Variants in AKAP7 observed in about 807,000 individuals in gnomAD.
AKAP7 encodes the protein A-kinase anchoring protein 7, also known as A kinase (PRKA) anchor protein 7.
In AKAP7, 39 loss-of-function variants were observed where a neutral mutation model predicts 39.5. The ratio of observed to expected loss-of-function variants is 0.99; its 90% confidence interval spans 0.76 to 1.29. The LOEUF is 1.29. AKAP7 is among the 50% of genes most tolerant of loss of function. The pLI is 0.00. For synonymous variants in AKAP7, 140 were observed against 139.1 expected (o/e 1.01, Z -0.05); for missense variants, 414 against 407.7 (o/e 1.02, Z -0.13).
intron 1 of AKAP7, among the ~76,000 whole-genome samples, chr6:131,137,988 T>A (rs550293942): frequency 6.6e-6 from 1 of 152,200 alleles, no homozygotes; most frequent in South Asian, 2.1e-4. Flanking sequence ...TTTCTGTCAT[T>A]GCATTCTTCA....
chr6:131,260,258 T>TAAAC (rs1195746282), intron 7 of AKAP7, among the ~76,000 whole-genome samples: 1 of 152,234 alleles, frequency 6.6e-6, no homozygotes, highest in Non-Finnish European at 1.5e-5. Flanking sequence ...AGTGCTGCAA[T>TAAAC]AAACATACGT....
chr6:131,253,278 T>C (rs1812588018), intron 7 of AKAP7, among the ~76,000 whole-genome samples: 1 of 152,194 alleles, frequency 6.6e-6, no homozygotes, highest in African/African-American at 2.4e-5. Context: ...TGTGGGAGCC[T>C]AAGCTGTAGA....
At chr6:131,184,524 C>G in intron 5 of AKAP7, 1 of 701,018 alleles carries the variant, frequency 1.4e-6, no homozygotes, top group Non-Finnish European at 2.7e-6. Flanking sequence ...CATTTGTGCT[C>G]GATGCATTGC....
chr6:131,188,792 A>G (rs894286884), intron 5 of AKAP7, among the ~76,000 whole-genome samples: 2 of 150,666 alleles, frequency 1.3e-5, no homozygotes, highest in African/African-American at 2.4e-5. Flanking sequence ...GGCTCAGGCA[A>G]TTCTCCCTCC....
chr6:131,130,117 G>A, the AKAP7 span, among the ~76,000 whole-genome samples: 1 of 152,180 alleles, frequency 6.6e-6, no homozygotes, highest in Non-Finnish European at 1.5e-5. Flanking sequence ...ATCTGAACCT[G>A]AACACTTCCC....
At chr6:131,129,484 T>C in the AKAP7 span, among the ~76,000 whole-genome samples, 2 of 152,284 alleles carry the variant, frequency 1.3e-5, no homozygotes, top group African/African-American at 2.4e-5. Flanking sequence ...TCTAAAAAGA[T>C]ACAATTATAG....
intron 7 of AKAP7, among the ~76,000 whole-genome samples, chr6:131,268,366 G>A (rs6924196): frequency 0.26 from 39,814 of 152,020 alleles, 5,606 homozygotes; most frequent in Admixed American, 0.34. Context: ...CTACCTGTAA[G>A]TGGGAAGAAT....
intron 7 of AKAP7, among the ~76,000 whole-genome samples, chr6:131,244,836 GA>G (rs35818253): frequency 0.064 from 9,698 of 151,174 alleles, 433 homozygotes; most frequent in Middle Eastern, 0.12. Context: ...CTGTTTTATA[GA>G]AAAAAAAATT....
At chr6:131,130,670 A>C (rs1277086977), upstream of AKAP7, among the ~76,000 whole-genome samples, 1 of 152,208 alleles carries the variant, frequency 6.6e-6, no homozygotes, top group African/African-American at 2.4e-5. Context: ...GTGAATTAGC[A>C]GGCAGCTGAT....
At chr6:131,225,089 A>G (rs1389587431) in intron 7 of AKAP7, among the ~76,000 whole-genome samples, 2 of 151,946 alleles carry the variant, frequency 1.3e-5, no homozygotes, top group African/African-American at 2.4e-5. Context: ...TTCCTGTTCT[A>G]TTCTTTGCTT....
At chr6:131,175,219 G>A (rs898710104) in intron 5 of AKAP7, among the ~76,000 whole-genome samples, 25 of 152,240 alleles carry the variant, frequency 1.6e-4, no homozygotes, top group African/African-American at 6.0e-4. Context: ...GGAGGAGTGA[G>A]TCTTGCTGTC....
At chr6:131,210,160 A>G (rs988127880) in intron 6 of AKAP7, among the ~76,000 whole-genome samples, 4 of 152,268 alleles carry the variant, frequency 2.6e-5, no homozygotes, top group Non-Finnish European at 5.9e-5. Context: ...ACTAGTTTAT[A>G]TCAGAATTAT....
intron 6 of AKAP7, among the ~76,000 whole-genome samples, chr6:131,210,424 T>TG: frequency 6.6e-6 from 1 of 152,350 alleles, no homozygotes; most frequent in South Asian, 2.1e-4. Flanking sequence ...TAGCCACCCT[T>TG]GGCTACAGGA....
intron 4 of AKAP7, among the ~76,000 whole-genome samples, chr6:131,166,462 A>G (rs73775931): frequency 2.4e-3 from 361 of 152,324 alleles, no homozygotes; most frequent in African/African-American, 8.4e-3. Context: ...GTAGACATGT[A>G]TATCTTTATG....
intron 7 of AKAP7, among the ~76,000 whole-genome samples, chr6:131,229,786 T>C (rs765412698): frequency 1.8e-4 from 27 of 152,254 alleles, no homozygotes; most frequent in Non-Finnish European, 3.2e-4. Context: ...CGCTATTGCC[T>C]TCAAGATGCT....
At chr6:131,260,072 G>A (rs35017713) in intron 7 of AKAP7, among the ~76,000 whole-genome samples, 41,948 of 151,426 alleles carry the variant, frequency 0.28, 6,421 homozygotes, top group Middle Eastern at 0.39. Flanking sequence ...TTCTGTTCCT[G>A]TGTTAGTTTG....
intron 4 of AKAP7, 74 bp from the exon 5 acceptor site, chr6:131,169,039 T>C: frequency 7.8e-7 from 1 of 1,279,586 alleles, no homozygotes; most frequent in Non-Finnish European, 1.1e-6. Context: ...CTAAAACTGG[T>C]ACTTTGTATC....
At chr6:131,193,285 G>A (rs1292383616) in intron 5 of AKAP7, among the ~76,000 whole-genome samples, 1 of 151,992 alleles carries the variant, frequency 6.6e-6, no homozygotes, top group Non-Finnish European at 1.5e-5. Context: ...TTTTTATGAA[G>A]GGATGTTGAA....
chr6:131,229,714 C>T (rs760426210), intron 7 of AKAP7, among the ~76,000 whole-genome samples: 11 of 152,034 alleles, frequency 7.2e-5, no homozygotes, highest in Admixed American at 1.3e-4. Context: ...TATGCAAAAC[C>T]GCACATACTT....
Sources: gnomAD v4.1 joint callset for allele counts (sites outside exome capture counted in the v4.1 genomes callset) on GRCh38, gnomAD v4.1.1 for gene constraint, MANE v1.5 for transcripts, NCBI Gene and HGNC (gene_info 2026-07-23, HGNC 2026-07-21) for gene names.